GLIS3: variants seen among roughly 807,000 people sequenced by gnomAD.
The protein encoded by GLIS3 is zinc finger protein GLIS3.
In GLIS3, 53 loss-of-function variants were observed where a neutral mutation model predicts 78.6. The observed-to-expected ratio is 0.67, with a 90% CI of 0.54 to 0.85. The LOEUF is 0.85. Ranked by LOEUF, GLIS3 falls within the 40% of genes least tolerant of loss-of-function variation. The pLI is 0.00. For synonymous variants in GLIS3, 684 were observed against 509.9 expected (o/e 1.34, Z -4.60); for missense variants, 1,703 against 1,231.1 (o/e 1.38, Z -5.74).
chr9:3,829,529 T>C (rs754039847), intron 9 of GLIS3, 37 bp from the exon 10 acceptor site: 1 of 1,610,980 alleles, frequency 6.2e-7, no homozygotes, highest in South Asian at 1.1e-5. Context: ...CAAGTTCCTT[T>C]GGGCACAAGT....
chr9:4,142,344 A>AC (rs1833873899), intron 2 of GLIS3, among the ~76,000 whole-genome samples: 3 of 152,214 alleles, frequency 2.0e-5, no homozygotes, highest in African/African-American at 7.2e-5. Flanking sequence ...GAAGAGAGTA[A>AC]ATAACACATA....
At chr9:4,066,617 A>G (rs2130603095) in intron 4 of GLIS3, among the ~76,000 whole-genome samples, 1 of 152,268 alleles carries the variant, frequency 6.6e-6, no homozygotes, top group Non-Finnish European at 1.5e-5. Flanking sequence ...TCAGTTGTCA[A>G]ATTATTGACT....
chr9:4,019,228 G>A (rs1822675198), intron 4 of GLIS3, among the ~76,000 whole-genome samples: 2 of 152,164 alleles, frequency 1.3e-5, no homozygotes. Context: ...TTTAAACGGT[G>A]CTCTCATCTT....
intron 2 of GLIS3, among the ~76,000 whole-genome samples, chr9:4,137,684 C>T (rs756290168): frequency 2.0e-5 from 3 of 152,260 alleles, no homozygotes; most frequent in Middle Eastern, 3.4e-3. Flanking sequence ...AAGTCCCATC[C>T]GTCAGCTATT....
At chr9:4,408,600 G>T in the GLIS3 span, among the ~76,000 whole-genome samples, 175 of 148,750 alleles carry the variant, frequency 1.2e-3, 1 homozygote, top group South Asian at 0.019. Context: ...GGTGGCGGGC[G>T]CCTGTAGTCC....
chr9:4,206,010 C>A (rs541084481), intron 2 of GLIS3, among the ~76,000 whole-genome samples: 3 of 151,988 alleles, frequency 2.0e-5, no homozygotes, highest in Admixed American at 6.6e-5. Flanking sequence ...TGCAAGATAC[C>A]TGAATCTGAT....
At chr9:4,388,666 A>C in the GLIS3 span, among the ~76,000 whole-genome samples, 3 of 152,008 alleles carry the variant, frequency 2.0e-5, no homozygotes, top group Non-Finnish European at 4.4e-5. Flanking sequence ...ACAGAGCGAG[A>C]CTCCATCTCA....
chr9:4,053,475 C>T (rs996603277), intron 4 of GLIS3, among the ~76,000 whole-genome samples: 4 of 152,132 alleles, frequency 2.6e-5, no homozygotes, highest in African/African-American at 7.2e-5. Context: ...TTTAATCATT[C>T]ACTAGTTAAT....
chr9:4,178,366 A>G (rs1026974875), intron 2 of GLIS3, among the ~76,000 whole-genome samples: 4 of 152,222 alleles, frequency 2.6e-5, no homozygotes, highest in African/African-American at 9.6e-5. Context: ...AGGAGATCAT[A>G]TGACCTATGA....
the GLIS3 span, among the ~76,000 whole-genome samples, chr9:4,368,074 C>G: frequency 2.6e-4 from 39 of 152,298 alleles, no homozygotes; most frequent in African/African-American, 9.1e-4. Flanking sequence ...TCAATTCTTG[C>G]TTATTCATGT....
intron 3 of GLIS3, among the ~76,000 whole-genome samples, chr9:4,122,226 G>T (rs912020372): frequency 6.6e-6 from 1 of 152,158 alleles, no homozygotes; most frequent in African/African-American, 2.4e-5. Flanking sequence ...AAGCTCAAAA[G>T]AAGTTCTAAT....
intron 2 of GLIS3, among the ~76,000 whole-genome samples, chr9:4,180,803 G>A (rs1817254038): frequency 6.6e-6 from 1 of 152,184 alleles, no homozygotes; most frequent in African/African-American, 2.4e-5. Flanking sequence ...GAGCGGCGGT[G>A]TAGCAGAGGG....
At chr9:4,199,285 G>A (rs112386476) in intron 2 of GLIS3, among the ~76,000 whole-genome samples, 1,901 of 152,080 alleles carry the variant, frequency 0.013, 39 homozygotes, top group African/African-American at 0.043. Context: ...GATGAAAAAC[G>A]AGACCAATCT....
At chr9:4,226,857 G>A (rs745768080) in intron 2 of GLIS3, among the ~76,000 whole-genome samples, 1 of 152,158 alleles carries the variant, frequency 6.6e-6, no homozygotes, top group Non-Finnish European at 1.5e-5. Context: ...AGTAAGTGGT[G>A]GCAATTATTA....
chr9:3,986,202 C>G (rs1488636584), intron 4 of GLIS3, among the ~76,000 whole-genome samples: 2 of 152,106 alleles, frequency 1.3e-5, no homozygotes, highest in Non-Finnish European at 1.5e-5. Context: ...AACAAGATAC[C>G]CTCTGTCTTC....
At chr9:4,208,193 C>G (rs1820051647) in intron 2 of GLIS3, among the ~76,000 whole-genome samples, 1 of 152,198 alleles carries the variant, frequency 6.6e-6, no homozygotes, top group Admixed American at 6.5e-5. Context: ...ATCTAAGAAA[C>G]TGATTTCTAA....
intron 2 of GLIS3, among the ~76,000 whole-genome samples, chr9:4,193,376 G>A (rs560396072): frequency 6.6e-6 from 1 of 152,230 alleles, no homozygotes. Flanking sequence ...CAGAAAGGCA[G>A]AGTTGGGTAG....
chr9:3,891,004 T>C (rs61410973), intron 7 of GLIS3, among the ~76,000 whole-genome samples: 6,053 of 151,604 alleles, frequency 0.04, 433 homozygotes, highest in African/African-American at 0.14. Flanking sequence ...TTTTCTTTTA[T>C]TCTACTGAGT....
chr9:4,108,900 ACCTT>A, intron 4 of GLIS3, among the ~76,000 whole-genome samples: 1 of 152,180 alleles, frequency 6.6e-6, no homozygotes, highest in Non-Finnish European at 1.5e-5. Flanking sequence ...TGACTCTACA[ACCTT>A]GGGTGGCTCA....
Sources: allele counts gnomAD v4.1 joint callset (sites outside exome capture counted in the v4.1 genomes callset), GRCh38; gene constraint gnomAD v4.1.1; transcripts MANE v1.5; gene names NCBI Gene and HGNC (gene_info 2026-07-23, HGNC 2026-07-21).